Variants in RIMKLB observed in about 807,000 individuals in gnomAD.
RIMKLB encodes the protein beta-citrylglutamate synthase B.
A neutral mutation model predicts 32.0 loss-of-function variants in RIMKLB; 7 were observed. The observed-to-expected ratio is 0.22, with a 90% CI of 0.12 to 0.41. The LOEUF (loss-of-function observed/expected upper bound fraction) is 0.41, where lower values mean the gene tolerates loss of function less well. Among genes scored for constraint, RIMKLB ranks in the 10% least tolerant of loss-of-function variants. The pLI is 1.00. For synonymous variants in RIMKLB, 172 were observed against 185.1 expected, an observed-to-expected ratio of 0.93 and a Z score of 0.57; for missense variants, 289 against 498.7, an observed-to-expected ratio of 0.58 and a Z score of 4.00.
rs759238274 is a variant in RIMKLB at position 8,773,302 on chromosome 12, G to A, written c.698-19G>A. The A allele has an allele frequency of 1.2e-5, 18 of 1,543,320 alleles. No individual in the cohort carries two copies. Among genetic ancestry groups the A allele is most frequent in the East Asian group, 2.3e-5 (1 of 44,290 alleles). On this transcript the variant is annotated intron_variant, in intron 5 of 5. Transcript: ENST00000535829. ...AAGTTTATGATTTTGTTAATTTCCT[G>A]TCTTGTTTCTTTTGCCAGGTGGTGT...
chr12:8,722,515 T>G (rs1019542423), intron 2 of RIMKLB, among the ~76,000 whole-genome samples: 1 of 152,192 alleles, frequency 6.6e-6, no homozygotes, highest in Non-Finnish European at 1.5e-5. Flanking sequence ...TTAAGAACCC[T>G]AGGATTTTTG....
At chr12:8,681,713 C>T (rs926238454) in exon 1 of RIMKLB, 1 of 152,202 alleles carries the variant, frequency 6.6e-6, no homozygotes, top group Non-Finnish European at 1.5e-5. Flanking sequence ...GCTGCTTCCA[C>T]CTGCTAGGAG....
At chr12:8,740,683 T>C (rs1187897763) in intron 2 of RIMKLB, among the ~76,000 whole-genome samples, 1 of 152,266 alleles carries the variant, frequency 6.6e-6, no homozygotes, top group Admixed American at 6.5e-5. Flanking sequence ...TTAAAGAGCA[T>C]ATGTCTACTT....
intron 1 of RIMKLB, among the ~76,000 whole-genome samples, chr12:8,683,804 G>A (rs1441385912): frequency 6.6e-6 from 1 of 152,138 alleles, no homozygotes; most frequent in Non-Finnish European, 1.5e-5. Flanking sequence ...CTAGAGTGTG[G>A]TGGCACGATC....
chr12:8,685,095 G>A (rs931846230), intron 1 of RIMKLB, among the ~76,000 whole-genome samples: 2 of 152,150 alleles, frequency 1.3e-5, no homozygotes, highest in Non-Finnish European at 2.9e-5. Context: ...TGCGAACAGA[G>A]TTTTATTTCT....
At chr12:8,722,153 A>G (rs1247871257) in intron 2 of RIMKLB, among the ~76,000 whole-genome samples, 1 of 151,882 alleles carries the variant, frequency 6.6e-6, no homozygotes, top group Non-Finnish European at 1.5e-5. Context: ...GCCTTATGAA[A>G]TGTATGTCTT....
At chr12:8,748,261 A>G (rs888325033) in intron 2 of RIMKLB, among the ~76,000 whole-genome samples, 2 of 152,146 alleles carry the variant, frequency 1.3e-5, no homozygotes, top group Non-Finnish European at 2.9e-5. Context: ...TGCAGTTTTC[A>G]GTTACCCATG....
intron 1 of RIMKLB, among the ~76,000 whole-genome samples, chr12:8,706,481 G>A (rs1175136875): frequency 2.3e-5 from 3 of 131,930 alleles, no homozygotes; most frequent in East Asian, 2.1e-4. Context: ...ACTGAGTTTC[G>A]CTCTTGTCAC....
At chr12:8,722,375 A>AT (rs935576966) in intron 2 of RIMKLB, among the ~76,000 whole-genome samples, 1 of 151,938 alleles carries the variant, frequency 6.6e-6, no homozygotes, top group African/African-American at 2.4e-5. Context: ...TGAAAGGAAT[A>AT]TTTTTTTTCT....
chr12:8,719,084 C>G lies in RIMKLB; in HGVS notation c.175+5043C>G, dbSNP rs187613404. ...CTCCTTCCCTCCCTCTCACCCATCT[C>G]TTGACAACCACTGACCCTCTGACTG... On this transcript the variant is annotated intron_variant, in intron 2 of 5. Coordinates refer to ENST00000535829, the MANE Select transcript of RIMKLB (RefSeq NM_001297776.2). Among the ~76,000 whole-genome samples the G allele has an allele frequency of 1.7e-3, 265 of 152,240 alleles. 1 individual carries two copies. Among genetic ancestry groups the G allele is most frequent in the Non-Finnish European group, 1.8e-3 (120 of 68,012 alleles).
chr12:8,756,601 A>G (rs1949049297), intron 5 of RIMKLB, among the ~76,000 whole-genome samples: 1 of 151,684 alleles, frequency 6.6e-6, no homozygotes, highest in South Asian at 2.1e-4. Flanking sequence ...GAAATTCAAT[A>G]TGGTGGCTTA....
intron 5 of RIMKLB, among the ~76,000 whole-genome samples, chr12:8,766,937 GATT>G (rs1950018016): frequency 6.6e-6 from 1 of 152,220 alleles, no homozygotes; most frequent in African/African-American, 2.4e-5. Flanking sequence ...TTCCTCTAAA[GATT>G]ATTTTTCTAC....
intron 5 of RIMKLB, among the ~76,000 whole-genome samples, chr12:8,762,503 C>A (rs543223818): frequency 1.3e-5 from 2 of 152,110 alleles, no homozygotes; most frequent in East Asian, 1.9e-4. Context: ...TTCTGATGAC[C>A]CCGGCAGTTT....
chr12:8,771,928 G>A (rs186985950), intron 5 of RIMKLB, among the ~76,000 whole-genome samples: 5 of 152,014 alleles, frequency 3.3e-5, no homozygotes, highest in South Asian at 2.1e-4. Flanking sequence ...TCGTTCTGTC[G>A]CCCAGGCTGG....
chr12:8,767,825 G>A (rs188831652), intron 5 of RIMKLB, among the ~76,000 whole-genome samples: 30 of 152,252 alleles, frequency 2.0e-4, no homozygotes, highest in East Asian at 5.8e-4. Context: ...TAAGTCTGGC[G>A]GCCATGCTAA....
At chr12:8,772,975 A>G (rs1388583387) in intron 5 of RIMKLB, among the ~76,000 whole-genome samples, 1 of 151,964 alleles carries the variant, frequency 6.6e-6, no homozygotes, top group African/African-American at 2.4e-5. Flanking sequence ...TCTGTTATGC[A>G]TTTTTATTAT....
rs1950572849 is a variant in RIMKLB, at chr12:8,773,715, C to T, written c.1092C>T (p.Thr364=). 1 of 1,614,258 alleles carries T rather than the reference C, an allele frequency of 6.2e-7. No individual in the cohort carries two copies. Among genetic ancestry groups the T allele is most frequent in the Admixed American group, 1.7e-5 (1 of 60,032 alleles). Residue 364 remains threonine (T), a synonymous_variant, in exon 6 of 6, where the codon ACC becomes ACT. Transcript: ENST00000535829. Reference sequence around the variant, plus strand: ...AAAGCACGGAGCGAGAGCTGCTCACCAAGCTCCCAGGGGGCCTGTTCAACA... The same window carrying T: ...AAAGCACGGAGCGAGAGCTGCTCACTAAGCTCCCAGGGGGCCTGTTCAACA... ...DPESTERELL[T]KLPGGLFNMN...
chr12:8,749,735 T>C, intron 2 of RIMKLB, 127 bp from the exon 3 acceptor site: 1 of 646,722 alleles, frequency 1.5e-6, no homozygotes, highest in Non-Finnish European at 2.6e-6. Context: ...GGAGTATCTC[T>C]ATCCCAATTT....
chr12:8,772,482 T>G (rs932299091), intron 5 of RIMKLB, among the ~76,000 whole-genome samples: 1 of 152,234 alleles, frequency 6.6e-6, no homozygotes, highest in Non-Finnish European at 1.5e-5. Context: ...GGCCTCAGTC[T>G]TAGAAGTGCT....
Sources: allele counts gnomAD v4.1 joint callset (sites outside exome capture counted in the v4.1 genomes callset), GRCh38; gene constraint gnomAD v4.1.1; transcripts MANE v1.5; gene names NCBI Gene and HGNC (gene_info 2026-07-23, HGNC 2026-07-21).